Variants in KSR1 observed in about 807,000 individuals in gnomAD.
KSR1 encodes kinase suppressor of ras.
KSR1 carries 35 observed loss-of-function variants against 92.9 expected under a neutral mutation model. The observed-to-expected ratio is 0.38, with a 90% confidence interval of 0.29 to 0.50. The LOEUF (loss-of-function observed/expected upper bound fraction) is 0.50. Ranked by LOEUF, KSR1 falls within the 20% of genes least tolerant of loss-of-function variation. The pLI is 0.94. For missense variants in KSR1, 972 were observed against 1,158.5 expected, an observed-to-expected ratio of 0.84 and a Z score of 2.34; for synonymous variants, 467 against 472.6, an observed-to-expected ratio of 0.99 and a Z score of 0.15.
chr17:27,517,902 A>G (rs966673417), intron 1 of KSR1, among the ~76,000 whole-genome samples: 4 of 152,360 alleles, frequency 2.6e-5, no homozygotes, highest in Middle Eastern at 3.4e-3. Context: ...GATTTCAGAT[A>G]TAGGCAAGAA....
intron 2 of KSR1, among the ~76,000 whole-genome samples, chr17:27,566,955 C>T (rs1209901841): frequency 1.3e-5 from 2 of 152,012 alleles, no homozygotes; most frequent in Non-Finnish European, 2.9e-5. Flanking sequence ...CCAGGGAGGC[C>T]GATGGTTATA....
intron 1 of KSR1, among the ~76,000 whole-genome samples, chr17:27,479,170 A>C (rs1328628615): frequency 1.6e-5 from 2 of 123,432 alleles, no homozygotes; most frequent in African/African-American, 3.2e-5. Flanking sequence ...TCCTCCCTCC[A>C]TCCATGCACT....
chr17:27,470,567 G>A (rs1231939671), intron 1 of KSR1, among the ~76,000 whole-genome samples: 1 of 152,024 alleles, frequency 6.6e-6, no homozygotes, highest in African/African-American at 2.4e-5. Flanking sequence ...GTAGAGACAG[G>A]GTTTCACCAT....
intron 1 of KSR1, among the ~76,000 whole-genome samples, chr17:27,525,781 A>T (rs1028579473): frequency 2.0e-5 from 3 of 152,146 alleles, no homozygotes; most frequent in Admixed American, 1.3e-4. Flanking sequence ...CTGAAAGAGG[A>T]TGAGGTAGTT....
chr17:27,506,720 G>A (rs1222343337), intron 1 of KSR1, among the ~76,000 whole-genome samples: 1 of 143,192 alleles, frequency 7.0e-6, no homozygotes, highest in South Asian at 2.2e-4. Context: ...TCTGTGGTGC[G>A]AGTGTTGGTT....
At chr17:27,464,734 CCTTGCAGATTTTGCATT>C (rs2019604848) in intron 1 of KSR1, among the ~76,000 whole-genome samples, 1 of 150,350 alleles carries the variant, frequency 6.7e-6, no homozygotes, top group South Asian at 2.1e-4. Context: ...CAAGAAAAAT[CCTTGCAGATTTTGCATT>C]CTGTGCCACT....
intron 19 of KSR1, among the ~76,000 whole-genome samples, chr17:27,618,478 C>T (rs1393958199): frequency 1.3e-5 from 2 of 152,206 alleles, no homozygotes; most frequent in East Asian, 3.8e-4. Flanking sequence ...GGCAGGTAAA[C>T]TGGCTGTAAG....
intron 11 of KSR1, chr17:27,601,871 C>T: frequency 6.3e-7 from 1 of 1,593,590 alleles, no homozygotes; most frequent in East Asian, 2.2e-5. Flanking sequence ...TGGGCTTCAC[C>T]CTTCTGTGCC....
intron 19 of KSR1, among the ~76,000 whole-genome samples, chr17:27,619,448 A>T (rs534563125): frequency 1.8e-4 from 26 of 145,244 alleles, no homozygotes; most frequent in African/African-American, 6.7e-4. Context: ...CTCAGGCTGG[A>T]GTGCAGTGGC....
At chr17:27,609,440 G>C (rs1010888886) in intron 16 of KSR1, 111 bp downstream of exon 16, 2 of 1,404,864 alleles carry the variant, frequency 1.4e-6, no homozygotes, top group Non-Finnish European at 2.0e-6. Context: ...CTCCCTGCAG[G>C]GAAGCCCAGG....
At chr17:27,487,159 G>A (rs1332294023) in intron 1 of KSR1, among the ~76,000 whole-genome samples, 1 of 152,210 alleles carries the variant, frequency 6.6e-6, no homozygotes, top group Non-Finnish European at 1.5e-5. Flanking sequence ...TTGTGGCCGG[G>A]CGCGATGGCT....
Position 27,456,647 on chromosome 17 carries a change from G to A in KSR1, c.4G>A (p.Asp2Asn). 1 of 614,014 alleles carries A rather than the reference G, an allele frequency of 1.6e-6. No homozygotes were observed. The highest frequency in any genetic ancestry group is 2.8e-6 in the Non-Finnish European group (1 of 356,642). The allele number at this position is 614,014 out of a possible 1,614,324, so 38.0% of individuals were successfully genotyped here. ...GCCGCGGCCCCGATGCCGAGGCATG[G>A]ATAGAGCAGCGCTGCGCGCGGCGGC... is the stretch of plus-strand genomic sequence containing the variant. M[D>N]RAALRAAAMG... is the part of the protein sequence containing the mutation. Residue 2 changes from aspartate to asparagine, a missense_variant, in exon 1 of 21, where the codon GAT becomes AAT. Physicochemically the swap from Asp to Asn is conservative, Grantham distance 23 (BLOSUM62 1). Around this residue, in one of 5 missense-constraint regions of KSR1, gnomAD observed 36 missense variants for 16.0 expected, o/e 2.25. Transcript: ENST00000644974.
Position 27,621,206 on chromosome 17 carries a change from C to T in KSR1, c.2641C>T (p.Arg881Cys), listed in dbSNP as rs905158982. Residue 881 changes from arginine (R) to cysteine (C), a missense_variant, in exon 20 of 21, where the codon CGC (arginine) becomes TGC (cysteine). Physicochemically the swap from Arg to Cys is radical, Grantham distance 180 (BLOSUM62 -3). Coordinates refer to ENST00000644974, the MANE Select transcript of KSR1 (RefSeq NM_001394583.1). ...GGGCACTCCCAGTCGCTGGAGGAGC[C>T]GCTACTATGGAAAAGGACGCTACGG... ...FWKSADRWRS[R>C]YYGKGRYGHP... The T allele has an allele frequency of 3.3e-5, 13 of 398,650 alleles. No homozygotes were observed. The highest frequency in any genetic ancestry group is 8.2e-5 in the African/African-American group (4 of 48,734). The allele number at this position is 398,650 out of a possible 1,614,324, so 24.7% of individuals were successfully genotyped here. A position where few individuals can be genotyped will look rare whatever the true frequency, so the allele number is the denominator to read the frequency against.
At chr17:27,549,383 G>A (rs966052413) in intron 1 of KSR1, among the ~76,000 whole-genome samples, 5 of 152,116 alleles carry the variant, frequency 3.3e-5, no homozygotes, top group Non-Finnish European at 5.9e-5. Context: ...TCCATCTGTC[G>A]AGCCTAACTG....
intron 1 of KSR1, among the ~76,000 whole-genome samples, chr17:27,480,247 GC>G (rs1265192166): frequency 2.0e-5 from 3 of 152,068 alleles, no homozygotes; most frequent in Non-Finnish European, 4.4e-5. Context: ...TCTCTAAGCA[GC>G]CCATGTAATT....
rs74936514 is a variant in KSR1 at position 27,487,649 on chromosome 17, C to T, written c.231+30775C>T. On this transcript the variant is annotated intron_variant, in intron 1 of 20. Coordinates refer to ENST00000644974, the MANE Select transcript of KSR1 (RefSeq NM_001394583.1). ...TGCAGGCTGTACAAGCATGGCTGTA[C>T]AAACATAAATTTTATGGTTTTTTTT... Among the ~76,000 whole-genome samples the T allele has an allele frequency of 5.9e-3, 888 of 150,964 alleles. 7 individuals are homozygous for T. The highest frequency in any genetic ancestry group is 0.02 in the African/African-American group (835 of 40,740).
chr17:27,618,269 C>A (rs182910080), intron 19 of KSR1, among the ~76,000 whole-genome samples: 4 of 152,208 alleles, frequency 2.6e-5, no homozygotes, highest in Non-Finnish European at 5.9e-5. Context: ...TGATGTCCAC[C>A]AGGTCACAGG....
chr17:27,491,712 G>C (rs1445797293), intron 1 of KSR1, among the ~76,000 whole-genome samples: 1 of 152,156 alleles, frequency 6.6e-6, no homozygotes, highest in Non-Finnish European at 1.5e-5. Context: ...TCATCATAGA[G>C]GTGAGAAAAT....
intron 1 of KSR1, among the ~76,000 whole-genome samples, chr17:27,549,857 T>C (rs1205566351): frequency 6.6e-6 from 1 of 152,176 alleles, no homozygotes; most frequent in Non-Finnish European, 1.5e-5. Flanking sequence ...TGGAGACTTT[T>C]ATAGGGGGTT....
Sources: allele counts gnomAD v4.1 joint callset (sites outside exome capture counted in the v4.1 genomes callset), GRCh38; gene constraint gnomAD v4.1.1; regional missense constraint gnomAD v4.1.1; transcripts MANE v1.5; gene names NCBI Gene and HGNC (gene_info 2026-07-23, HGNC 2026-07-21).